TDRD12: variants seen among roughly 807,000 people sequenced by gnomAD.
The protein encoded by TDRD12 is tudor domain containing 12, also known as putative ATP-dependent RNA helicase TDRD12.
A neutral mutation model predicts 133.5 loss-of-function variants in TDRD12; 158 were observed. That is an observed-to-expected ratio of 1.18 (90% CI 1.04 to 1.35). The LOEUF (loss-of-function observed/expected upper bound fraction) is 1.35. Among genes scored for constraint, TDRD12 ranks in the 40% most tolerant of loss-of-function variants. The pLI is 0.00. For synonymous variants in TDRD12, 460 were observed against 477.9 expected, an observed-to-expected ratio of 0.96 and a Z score of 0.49; for missense variants, 1,443 against 1,321.3, an observed-to-expected ratio of 1.09 and a Z score of -1.43.
intron 12 of TDRD12, 74 bp from the exon 13 acceptor site, chr19:32,790,890 T>A: frequency 6.7e-7 from 1 of 1,490,666 alleles, no homozygotes; most frequent in Non-Finnish European, 8.8e-7. Flanking sequence ...TTTCTTCATT[T>A]CTGTGAAGTT....
At chr19:32,731,064 T>G (rs898784452) in intron 1 of TDRD12, among the ~76,000 whole-genome samples, 4 of 152,196 alleles carry the variant, frequency 2.6e-5, no homozygotes, top group Non-Finnish European at 5.9e-5. Flanking sequence ...TCTTTAACAA[T>G]GAAAATCTTG....
chr19:32,818,132 C>T lies in TDRD12; in HGVS notation c.3358C>T (p.Pro1120Ser), dbSNP rs1235509665. 5.7e-6 allele frequency: 4 copies of T among 702,426 alleles called. No individual in the cohort carries two copies. In the Admixed American group the frequency reaches 8.0e-5, roughly 14 times the overall value. The allele number at this position is 702,426 out of a possible 1,614,324, so 43.5% of individuals were successfully genotyped here. A position where few individuals can be genotyped will look rare whatever the true frequency, so the allele number is the denominator to read the frequency against. The change falls in exon 27 of 28, where the codon CCA (proline) becomes TCA (serine). Residue 1120 changes from proline (P) to serine (S), a missense_variant. By Grantham distance (74) the Pro-to-Ser change is moderately conservative (BLOSUM62 -1). Transcript: ENST00000444215. ...CAGTCCTGCTCAAGACCAGGATCAT[C>T]CATCCGAGGAGCAGGGGGGGCAGGG...
intron 11 of TDRD12, among the ~76,000 whole-genome samples, chr19:32,790,106 G>A (rs1348483111): frequency 6.6e-6 from 1 of 152,224 alleles, no homozygotes; most frequent in Non-Finnish European, 1.5e-5. Context: ...TGGAGTCCCC[G>A]CCATGTCTGT....
At chr19:32,772,890 T>C in intron 9 of TDRD12, 40 bp downstream of exon 9, 1 of 1,186,314 alleles carries the variant, frequency 8.4e-7, no homozygotes, top group Non-Finnish European at 1.1e-6. Flanking sequence ...AAAGTTCATA[T>C]AGTGTTAATT....
chr19:32,736,832 A>G (rs191071728), intron 2 of TDRD12, among the ~76,000 whole-genome samples: 2 of 152,334 alleles, frequency 1.3e-5, no homozygotes, highest in Non-Finnish European at 2.9e-5. Flanking sequence ...TCAGGATGCC[A>G]AGGGTTGTCA....
Position 32,720,099 on chromosome 19 carries a change from G to A in TDRD12, c.24+3G>A, listed in dbSNP as rs1027724002. 66 of 1,547,642 alleles carry A rather than the reference G, an allele frequency of 4.3e-5. No homozygotes were observed. The highest frequency in any genetic ancestry group is 5.7e-5 in the Non-Finnish European group (65 of 1,146,162). ...TGCTCCAGCTCCTGGTGCTGAAGGT[G>A]AGCGCCGCCAAGCCAGACCCACGCC... On this transcript the variant is annotated splice_donor_region_variant and intron_variant, in intron 1 of 27. Coordinates refer to ENST00000444215, the Ensembl canonical transcript of TDRD12.
At chr19:32,745,571 T>G (rs1169364510) in intron 4 of TDRD12, among the ~76,000 whole-genome samples, 6 of 152,228 alleles carry the variant, frequency 3.9e-5, no homozygotes, top group Non-Finnish European at 1.5e-5. Context: ...TATTTTTATT[T>G]TTCTGACTTG....
intron 16 of TDRD12, among the ~76,000 whole-genome samples, chr19:32,799,285 C>T (rs1971317673): frequency 6.6e-6 from 1 of 152,124 alleles, no homozygotes; most frequent in Non-Finnish European, 1.5e-5. Flanking sequence ...TTTTGTAAAA[C>T]TAGTATCTAG....
intron 8 of TDRD12, among the ~76,000 whole-genome samples, chr19:32,770,377 T>C (rs901265069): frequency 6.6e-6 from 1 of 152,172 alleles, no homozygotes; most frequent in East Asian, 1.9e-4. Context: ...TCCTCTTGAA[T>C]TGACCATTTT....
At chr19:32,759,785 G>A (rs1232938238) in intron 8 of TDRD12, among the ~76,000 whole-genome samples, 2 of 152,130 alleles carry the variant, frequency 1.3e-5, no homozygotes, top group Non-Finnish European at 2.9e-5. Flanking sequence ...AAATATATCC[G>A]GTATAATGTG....
chr19:32,827,372 CTT>C (rs549327733), exon 10 of TDRD12: 2,404 of 121,832 alleles, frequency 0.02, 2 homozygotes, highest in East Asian at 0.041. Context: ...CTTTTCTTTT[CTT>C]TTTTTTTTTT....
At chr19:32,778,573 C>T (rs1970675209) in intron 11 of TDRD12, among the ~76,000 whole-genome samples, 1 of 152,074 alleles carries the variant, frequency 6.6e-6, no homozygotes, top group Non-Finnish European at 1.5e-5. Flanking sequence ...GATCTTGGCT[C>T]ACTGCAACCT....
At chr19:32,793,793 C>CTTT (rs766973591) in intron 13 of TDRD12, among the ~76,000 whole-genome samples, 1,251 of 116,062 alleles carry the variant, frequency 0.011, 65 homozygotes, top group African/African-American at 0.029. Flanking sequence ...AAGCAAGAAT[C>CTTT]TTTTTTTTTT....
intron 26 of TDRD12, among the ~76,000 whole-genome samples, chr19:32,817,090 A>AGT (rs1276139587): frequency 2.0e-5 from 3 of 152,254 alleles, no homozygotes; most frequent in Non-Finnish European, 4.4e-5. Flanking sequence ...AAAGGCTCAC[A>AGT]GTGATTCCTT....
Position 32,791,081 on chromosome 19 carries a change from G to A in TDRD12, c.1287+13G>A, listed in dbSNP as rs1046182631. 59 of 1,524,246 alleles carry A rather than the reference G, an allele frequency of 3.9e-5. 1 individual carries two copies. The highest frequency in any genetic ancestry group is 8.3e-5 in the African/African-American group (6 of 72,070). 94.4% of individuals were successfully genotyped at this position (1,524,246 alleles called of 1,614,324 possible). On this transcript the variant is annotated intron_variant, in intron 13 of 27. Coordinates refer to ENST00000444215, the Ensembl canonical transcript of TDRD12. Reference sequence around the variant, plus strand: ...AGACCTGAAGAAGGTAAAAGTGCTCGTAAAACTGAATTTATCAAGAATGCC... The same window carrying A: ...AGACCTGAAGAAGGTAAAAGTGCTCATAAAACTGAATTTATCAAGAATGCC...
At chr19:32,798,324 G>A (rs768798412) in exon 16 of TDRD12, 86 of 1,533,342 alleles carry the variant, frequency 5.6e-5, no homozygotes, top group Non-Finnish European at 6.9e-5. Context: ...TGATTGTTAC[G>A]ACCCCATACA....
At chr19:32,807,463 T>C in intron 21 of TDRD12, 86 bp from the exon 22 acceptor site, 1 of 859,906 alleles carries the variant, frequency 1.2e-6, no homozygotes, top group Non-Finnish European at 1.7e-6. Context: ...TGATTTAGGT[T>C]GCAGATTAAT....
intron 7 of TDRD12, 72 bp downstream of exon 7, chr19:32,756,253 T>C: frequency 1.6e-6 from 2 of 1,261,546 alleles, no homozygotes; most frequent in South Asian, 2.4e-5. Flanking sequence ...AGATATAAGT[T>C]GTACAGACTT....
At chr19:32,777,030 AG>A (rs1485914217) in intron 10 of TDRD12, 118 bp from the exon 11 acceptor site, 2 of 650,744 alleles carry the variant, frequency 3.1e-6, no homozygotes, top group Non-Finnish European at 5.2e-6. Context: ...CTGGGACTAT[AG>A]GTGCACACCA....
Sources: gnomAD v4.1 joint callset for allele counts (sites outside exome capture counted in the v4.1 genomes callset) on GRCh38, gnomAD v4.1.1 for gene constraint, MANE v1.5 for transcripts, NCBI Gene and HGNC (gene_info 2026-07-23, HGNC 2026-07-21) for gene names.